Variants in CSMD3 observed in about 807,000 individuals in gnomAD.
CSMD3 encodes CUB and sushi domain-containing protein 3.
CSMD3 carries 177 observed loss-of-function variants against 435.2 expected under a neutral mutation model. The ratio of observed to expected loss-of-function variants is 0.41; its 90% CI spans 0.36 to 0.46. The LOEUF (loss-of-function observed/expected upper bound fraction) is 0.46. CSMD3 is among the 20% of genes least tolerant of loss of function. The pLI is 0.34. For synonymous variants in CSMD3, 1,656 were observed against 1,520.5 expected (o/e 1.09, Z -2.07); for missense variants, 4,265 against 4,504.6 (o/e 0.95, Z 1.52).
chr8:112,281,414 TTAA>T, intron 58 of CSMD3, 64 bp from the exon 59 acceptor site: 1 of 1,300,114 alleles, frequency 7.7e-7, no homozygotes, highest in Non-Finnish European at 1.1e-6. Context: ...CCCAAAAAAG[TTAA>T]TGACTAAACG....
At chr8:112,675,369 TTATC>T (rs1159357072) in intron 16 of CSMD3, among the ~76,000 whole-genome samples, 2 of 152,136 alleles carry the variant, frequency 1.3e-5, no homozygotes, top group Non-Finnish European at 2.9e-5. Flanking sequence ...GTAATCTCCT[TTATC>T]TATAAAGCAG....
intron 3 of CSMD3, among the ~76,000 whole-genome samples, chr8:113,224,477 TATAA>T (rs1226899352): frequency 1.3e-4 from 20 of 151,354 alleles, no homozygotes; most frequent in African/African-American, 3.9e-4. Context: ...GTGTCACCTA[TATAA>T]ATAAATGACA....
At chr8:113,184,530 G>T (rs924888806) in intron 3 of CSMD3, among the ~76,000 whole-genome samples, 2 of 152,006 alleles carry the variant, frequency 1.3e-5, no homozygotes, top group African/African-American at 4.8e-5. Flanking sequence ...CCAAAAAAAT[G>T]AGGCCAAAGA....
chr8:113,116,145 A>G (rs989046921), intron 4 of CSMD3, among the ~76,000 whole-genome samples: 1 of 152,156 alleles, frequency 6.6e-6, no homozygotes. Flanking sequence ...AACATAATTT[A>G]TTTCTACAGG....
At chr8:112,304,995 C>T (rs1821288334) in intron 51 of CSMD3, 80 bp from the exon 52 acceptor site, 6 of 1,004,662 alleles carry the variant, frequency 6.0e-6, no homozygotes, top group Non-Finnish European at 7.7e-6. Flanking sequence ...TCTCCACTGA[C>T]CTAATTCACT....
chr8:112,471,626 T>C (rs1005897293), intron 32 of CSMD3, among the ~76,000 whole-genome samples: 3 of 152,162 alleles, frequency 2.0e-5, no homozygotes, highest in Non-Finnish European at 1.5e-5. Flanking sequence ...AAGGAGGATA[T>C]ATAGGTAGTA....
Position 112,358,230 on chromosome 8 carries a change from T to TA in CSMD3, c.6137-5697dup, listed in dbSNP as rs1477064824. 3.9e-5 allele frequency among the ~76,000 whole-genome samples: 6 copies of TA among 152,202 alleles called. No homozygotes were observed. The East Asian group carries it at 1.2e-3, about 29-fold the overall frequency. On this transcript the variant is annotated intron_variant, in intron 38 of 70. Coordinates refer to ENST00000297405, the MANE Select transcript of CSMD3 (RefSeq NM_198123.2). ...TTCTCCCATTTTGAATGGCTGTATT[T>TA]ACCCAATGCCTGTACCCCCACTGTA...
chr8:112,721,592 A>G (rs1198712306), intron 13 of CSMD3, among the ~76,000 whole-genome samples: 3 of 152,250 alleles, frequency 2.0e-5, no homozygotes, highest in Middle Eastern at 3.4e-3. Context: ...GTATTTGTCA[A>G]TGATAACAAT....
At position 113,116,325 on chromosome 8, in the gene CSMD3, T is replaced by G. The variant is rs188078710; in HGVS notation, c.710-17362A>C. Among the ~76,000 whole-genome samples, 33 of 152,274 alleles carry G rather than the reference T, an allele frequency of 2.2e-4. No homozygotes were observed. The East Asian group carries it at 6.4e-3, about 29-fold the overall frequency. ...GTTCTCACAAGATCTTATGGTTATA[T>G]AAGGAGTTTATGCCTTCGCTCGATT... is the stretch of plus-strand genomic sequence containing the variant. On this transcript the variant is annotated intron_variant, in intron 4 of 70. Transcript: ENST00000297405.
At chr8:113,196,486 G>A (rs1219646570) in intron 3 of CSMD3, among the ~76,000 whole-genome samples, 3 of 151,216 alleles carry the variant, frequency 2.0e-5, no homozygotes, top group Non-Finnish European at 4.4e-5. Flanking sequence ...AAAGAACCTT[G>A]TAAACATTGT....
At chr8:112,642,606 C>T (rs1007634382) in intron 20 of CSMD3, among the ~76,000 whole-genome samples, 10 of 152,074 alleles carry the variant, frequency 6.6e-5, no homozygotes, top group Non-Finnish European at 1.2e-4. Context: ...CATCTGACTA[C>T]ACAATGTAAA....
chr8:112,793,306 T>G (rs1225539467), intron 13 of CSMD3, among the ~76,000 whole-genome samples: 3 of 150,856 alleles, frequency 2.0e-5, no homozygotes, highest in Non-Finnish European at 4.4e-5. Flanking sequence ...ATCCTCATAT[T>G]TCTATGTTTC....
intron 7 of CSMD3, among the ~76,000 whole-genome samples, chr8:112,972,719 T>C (rs1024095197): frequency 6.6e-6 from 1 of 151,990 alleles, no homozygotes; most frequent in Non-Finnish European, 1.5e-5. Context: ...TAAACACTTA[T>C]TCATTAGTTT....
At chr8:112,439,546 T>C (rs1038350615) in intron 32 of CSMD3, among the ~76,000 whole-genome samples, 9 of 152,308 alleles carry the variant, frequency 5.9e-5, no homozygotes, top group South Asian at 4.1e-4. Context: ...TATACAAAAA[T>C]ACAATTAATT....
chr8:112,589,021 T>C (rs1830958774), intron 22 of CSMD3, among the ~76,000 whole-genome samples: 1 of 152,158 alleles, frequency 6.6e-6, no homozygotes, highest in South Asian at 2.1e-4. Flanking sequence ...TAGAAGAGAA[T>C]GCAAATTATT....
At chr8:112,969,323 GT>G (rs2084552312) in intron 7 of CSMD3, among the ~76,000 whole-genome samples, 1 of 151,894 alleles carries the variant, frequency 6.6e-6, no homozygotes. Flanking sequence ...TAAAATAAAC[GT>G]TTTATGCTGA....
At position 113,222,581 on chromosome 8, in the gene CSMD3, T is replaced by C. The variant is rs890882209; in HGVS notation, c.515-48665A>G. Among the ~76,000 whole-genome samples, 9 of 151,178 alleles carry C rather than the reference T, an allele frequency of 6.0e-5. No individual in the cohort carries two copies. The Admixed American group carries it at 6.0e-4, about 10-fold the overall frequency. On this transcript the variant is annotated intron_variant, in intron 3 of 70. Transcript: ENST00000297405. ...AAATAACTATCATTTCTCATCACCA[T>C]GTAGATAAAAATTGTACATGGTTAT...
intron 9 of CSMD3, among the ~76,000 whole-genome samples, chr8:112,922,633 G>T: frequency 6.6e-6 from 1 of 151,772 alleles, no homozygotes; most frequent in East Asian, 1.9e-4. Context: ...TGTGATATTT[G>T]TCTTTCTGTG....
chr8:112,967,538 T>A (rs2084470363), intron 7 of CSMD3, among the ~76,000 whole-genome samples: 2 of 151,832 alleles, frequency 1.3e-5, no homozygotes, highest in East Asian at 1.9e-4. Context: ...TTTCAAGGCA[T>A]AGCTCCAAGA....
Sources: allele counts gnomAD v4.1 joint callset (sites outside exome capture counted in the v4.1 genomes callset), GRCh38; gene constraint gnomAD v4.1.1; transcripts MANE v1.5; gene names NCBI Gene and HGNC (gene_info 2026-07-23, HGNC 2026-07-21).